Variants in DYNC1H1 observed in about 807,000 individuals in gnomAD.
The protein encoded by DYNC1H1 is cytoplasmic dynein 1 heavy chain 1.
DYNC1H1 carries 51 observed loss-of-function variants against 527.1 expected under a neutral mutation model. The ratio of observed to expected loss-of-function variants is 0.10; its 90% CI spans 0.08 to 0.12. DYNC1H1 has a LOEUF of 0.12. DYNC1H1 is among the 10% of genes least tolerant of loss of function. DYNC1H1 has a pLI of 1.00. For missense variants in DYNC1H1, 2,771 were observed against 5,971.8 expected, an observed-to-expected ratio of 0.46 and a Z score of 17.66; for synonymous variants, 2,189 against 2,278.8, an observed-to-expected ratio of 0.96 and a Z score of 1.12.
chr14:102,043,036 C>T (rs1054737433), intron 69 of DYNC1H1: 12 of 421,242 alleles, frequency 2.8e-5, no homozygotes, highest in Admixed American at 7.0e-5. Context: ...AATCCCTGCA[C>T]TTTGGGAGGC....
Position 102,034,222 on chromosome 14 carries a change from G to A in DYNC1H1, c.10626+34G>A, listed in dbSNP as rs748848124. 1.4e-5 allele frequency: 23 copies of A among 1,614,188 alleles called. No homozygotes were observed. The Admixed American group carries it at 1.5e-4, about 11-fold the overall frequency. ...CACGGGGAGTTCAAAAAGGATGTGC[G>A]AGCAGTGTGAGGCAAGCTGGTGTTT... On this transcript the variant is annotated intron_variant, in intron 55 of 77. Coordinates refer to ENST00000360184, the MANE Select transcript of DYNC1H1 (RefSeq NM_001376.5).
rs563414565 is a variant in DYNC1H1, at chr14:102,033,799, G to T, written c.10414-177G>T. ...CTGCCCCGCTGAGATTCTGAGTCGT[G>T]TGTGGTCATTAGTTATATATGATCT... On this transcript the variant is annotated intron_variant, in intron 54 of 77. Coordinates refer to ENST00000360184, the MANE Select transcript of DYNC1H1 (RefSeq NM_001376.5). The surrounding 1 kb of genome is among the most constrained non-coding windows in gnomAD (Gnocchi z 5.6). 5 of 738,028 alleles carry T rather than the reference G, an allele frequency of 6.8e-6. No homozygotes were observed. The African/African-American group carries it at 8.7e-5, about 13-fold the overall frequency. The allele number at this position is 738,028 out of a possible 1,614,324, so 45.7% of individuals were successfully genotyped here.
intron 11 of DYNC1H1, among the ~76,000 whole-genome samples, chr14:101,993,370 A>G (rs1268277403): frequency 2.0e-5 from 3 of 152,094 alleles, no homozygotes; most frequent in Admixed American, 1.3e-4. Flanking sequence ...TTTAGATTCT[A>G]AGTCAATCCT....
At chr14:102,021,801 C>A (rs1187827650) in intron 42 of DYNC1H1, among the ~76,000 whole-genome samples, 6 of 151,642 alleles carry the variant, frequency 4.0e-5, no homozygotes, top group Non-Finnish European at 1.5e-5. Context: ...GCTGGGATTA[C>A]AGACATGTGC....
In DYNC1H1 at chr14:101,982,973, T is replaced by C. The variant is rs978925423; in HGVS notation, c.962-46T>C. 1.9e-6 allele frequency: 3 copies of C among 1,608,630 alleles called. No homozygotes were observed. The African/African-American group carries it at 4.1e-5, about 22-fold the overall frequency. On this transcript the variant is annotated intron_variant, in intron 5 of 77. Transcript: ENST00000360184. ...ATGGCATATTTTAGTTTACTTAGTT[T>C]TGTTACTTTATGTGAAAACCATTAA... is the stretch of plus-strand genomic sequence containing the variant.
chr14:102,001,666 C>T lies in DYNC1H1; in HGVS notation c.4527C>T (p.Leu1509=), dbSNP rs2048132127. The T allele has an allele frequency of 1.9e-6, 3 of 1,614,048 alleles. No homozygotes were observed. Among genetic ancestry groups the T allele is most frequent in the South Asian group, 1.1e-5 (1 of 91,084 alleles). The change falls in exon 21 of 78, where the codon CTC becomes CTT. Residue 1509 remains leucine (L), a synonymous_variant. Transcript: ENST00000360184. This position sits in a 1 kb window ranked among gnomAD's most constrained non-coding sequence, Gnocchi z 5.0. ...EHINSVSAMK[L]SPYYKVFEED... is the part of the protein sequence containing the mutation. ...TCAACAGCGTCTCGGCCATGAAGCTCTCTCCGTATTACAAGGTGCTGTTGC... is the reference window on the plus strand; with the variant it reads ...TCAACAGCGTCTCGGCCATGAAGCTTTCTCCGTATTACAAGGTGCTGTTGC...
chr14:101,965,096 G>C lies in DYNC1H1; in HGVS notation c.256+149G>C. 1 of 870,826 alleles carries C rather than the reference G, an allele frequency of 1.1e-6. No individual in the cohort carries two copies. The highest frequency in any genetic ancestry group is 1.6e-6 in the Non-Finnish European group (1 of 616,952). The allele number at this position is 870,826 out of a possible 1,614,324, so 53.9% of individuals were successfully genotyped here. A position where few individuals can be genotyped will look rare whatever the true frequency, so the allele number is the denominator to read the frequency against. On this transcript the variant is annotated intron_variant, in intron 1 of 77. Coordinates refer to ENST00000360184, the MANE Select transcript of DYNC1H1 (RefSeq NM_001376.5). The surrounding 1 kb of genome is among the most constrained non-coding windows in gnomAD (Gnocchi z 4.1). ...GGATGGGCAGAGCCCGGCGGCCGCA[G>C]ACGTCCCGCCGGCCGGGTCCCCAGG...
chr14:102,025,763 C>A (rs1480807373), intron 43 of DYNC1H1, among the ~76,000 whole-genome samples: 1 of 152,026 alleles, frequency 6.6e-6, no homozygotes, highest in Non-Finnish European at 1.5e-5. Context: ...CATAGGTATC[C>A]GTTAGTTGTT....
rs1179457035 is a variant in DYNC1H1, at chr14:101,965,921, T to A, written c.256+974T>A. On this transcript the variant is annotated intron_variant, in intron 1 of 77. Transcript: ENST00000360184. The surrounding 1 kb of genome is among the most constrained non-coding windows in gnomAD (Gnocchi z 4.1). ...AATAATGATCGCCCACCAGCAAGGTTACATTCATCTAAGTCTGGGGCTTGC... is the reference window on the plus strand; with the variant it reads ...AATAATGATCGCCCACCAGCAAGGTAACATTCATCTAAGTCTGGGGCTTGC... Among the ~76,000 whole-genome samples, 1 of 152,094 alleles carries A rather than the reference T, an allele frequency of 6.6e-6. No homozygotes were observed. The highest frequency in any genetic ancestry group is 6.5e-5 in the Admixed American group (1 of 15,274).
chr14:102,016,853 G>A lies in DYNC1H1; in HGVS notation c.7702G>A (p.Val2568Ile), dbSNP rs765245789. The change falls in exon 38 of 78, where the codon GTC (valine) becomes ATC (isoleucine). Residue 2568 changes from valine to isoleucine, a missense_variant. Physicochemically the swap from Val to Ile is conservative, Grantham distance 29 (BLOSUM62 3). Around this residue, in one of 32 missense-constraint regions of DYNC1H1, gnomAD observed 71 missense variants for 143.6 expected, o/e 0.49. Transcript: ENST00000360184. This position sits in a 1 kb window ranked among gnomAD's most constrained non-coding sequence, Gnocchi z 7.3. ...GCACAAGGTGGCAGCCCCTGATGTCGTCGTGCCAACGCTGGACACAGTCCG... is the reference window on the plus strand; with the variant it reads ...GCACAAGGTGGCAGCCCCTGATGTCATCGTGCCAACGCTGGACACAGTCCG... Reference protein sequence around the residue: ...ETHKVAAPDVVVPTLDTVRHE... With the variant: ...ETHKVAAPDVIVPTLDTVRHE... 8 of 1,614,022 alleles carry A rather than the reference G, an allele frequency of 5.0e-6. No homozygotes were observed. Among genetic ancestry groups the A allele is most frequent in the Non-Finnish European group, 5.1e-6 (6 of 1,180,048 alleles).
intron 10 of DYNC1H1, among the ~76,000 whole-genome samples, chr14:101,990,442 G>A (rs150254680): frequency 1.3e-5 from 2 of 152,306 alleles, no homozygotes; most frequent in East Asian, 3.9e-4. Context: ...CCTGCTGTCT[G>A]ACTTATGTTC....
rs375286762 is a variant in DYNC1H1, at chr14:102,049,861, G to A, written c.13663G>A (p.Ala4555Thr). Residue 4555 changes from alanine (A) to threonine (T), a missense_variant, in exon 76 of 78, where the codon GCT (alanine) becomes ACT (threonine). Around this residue, in one of 32 missense-constraint regions of DYNC1H1, gnomAD observed 106 missense variants for 139.2 expected, o/e 0.76. Coordinates refer to ENST00000360184, the MANE Select transcript of DYNC1H1 (RefSeq NM_001376.5). The surrounding 1 kb of genome is among the most constrained non-coding windows in gnomAD (Gnocchi z 5.5). ...CACCTCACAGGGCGCCACCCTTGAC[G>A]CTTGCAGCTTCGGAGTCACGGGTGA... is the stretch of plus-strand genomic sequence containing the variant. The part of the protein sequence containing the change: ...VTTSQGATLD[A>T]CSFGVTGLKL... 1.2e-6 allele frequency: 2 copies of A among 1,613,736 alleles called. No individual in the cohort carries two copies. Among genetic ancestry groups the A allele is most frequent in the African/African-American group, 2.7e-5 (2 of 74,942 alleles).
chr14:102,008,082 G>A (rs1417506218), intron 28 of DYNC1H1, 96 bp from the exon 29 acceptor site: 1 of 1,569,328 alleles, frequency 6.4e-7, no homozygotes, highest in Non-Finnish European at 8.7e-7. Context: ...ACCCACTAGG[G>A]TTAGGGCATC....
At chr14:102,031,549 T>TA (rs1489698020) in intron 51 of DYNC1H1, among the ~76,000 whole-genome samples, 1 of 152,222 alleles carries the variant, frequency 6.6e-6, no homozygotes, top group Non-Finnish European at 1.5e-5. Context: ...TTAGAACTGT[T>TA]AACTCCACGT....
At chr14:101,977,439 T>C (rs1027795118) in intron 2 of DYNC1H1, among the ~76,000 whole-genome samples, 1 of 152,258 alleles carries the variant, frequency 6.6e-6, no homozygotes, top group African/African-American at 2.4e-5. Flanking sequence ...CAGTTAGTTA[T>C]AGACAATATG....
At position 102,027,686 on chromosome 14, in the gene DYNC1H1, A is replaced by G; in HGVS notation, c.9116A>G (p.Lys3039Arg). 1 of 1,614,150 alleles carries G rather than the reference A, an allele frequency of 6.2e-7. No individual in the cohort carries two copies. The highest frequency in any genetic ancestry group is 1.1e-5 in the South Asian group (1 of 91,076). Residue 3039 changes from lysine to arginine, a missense_variant, in exon 47 of 78, where the codon AAG (lysine) becomes AGG (arginine). By Grantham distance (26) the Lys-to-Arg change is conservative. Coordinates refer to ENST00000360184, the MANE Select transcript of DYNC1H1 (RefSeq NM_001376.5). The surrounding 1 kb of genome is among the most constrained non-coding windows in gnomAD (Gnocchi z 7.7). ...ACGCAGTGCAAAGAGGGGGCACAGA[A>G]GGAAGGCCTGATGCTGGACTCGCAC... ...LMTQCKEGAQKEGLMLDSHEE... is the reference protein window; with the variant it reads ...LMTQCKEGAQREGLMLDSHEE...
chr14:101,986,396 G>A lies in DYNC1H1; in HGVS notation c.2171G>A (p.Arg724Gln). The stretch of plus-strand genomic sequence containing the variant: ...CGCATTTTCACCATCGAAAGTACTC[G>A]GGTTCGGGGCCGAACTGGAAATGTG... ...SGRIFTIEST[R>Q]VRGRTGNVLK... The change falls in exon 8 of 78, where the codon CGG becomes CAG. Residue 724 changes from arginine (R) to glutamine (Q), a missense_variant. Coordinates refer to ENST00000360184, the MANE Select transcript of DYNC1H1 (RefSeq NM_001376.5). The surrounding 1 kb of genome is among the most constrained non-coding windows in gnomAD (Gnocchi z 8.7). The A allele has an allele frequency of 6.2e-7, 1 of 1,614,128 alleles. No individual in the cohort carries two copies. The highest frequency in any genetic ancestry group is 8.5e-7 in the Non-Finnish European group (1 of 1,180,032).
rs780676515 is a variant in DYNC1H1 at position 102,040,351 on chromosome 14, G to T, written c.11806G>T (p.Val3936Leu). 34 of 1,614,106 alleles carry T rather than the reference G, an allele frequency of 2.1e-5. No homozygotes were observed. Among genetic ancestry groups the T allele is most frequent in the Non-Finnish European group, 2.6e-5 (31 of 1,180,064 alleles). Residue 3936 changes from valine to leucine, a missense_variant, in exon 63 of 78, where the codon GTG (valine) becomes TTG (leucine). This residue lies in a region of DYNC1H1 where 120 missense variants were observed against 161.9 expected (regional missense o/e 0.74). Coordinates refer to ENST00000360184, the MANE Select transcript of DYNC1H1 (RefSeq NM_001376.5). ...GACTGTGGAGCAGGCGGAGGCGGTG[G>T]TGAGGCTGAGCTGCCTTCCCGCGTT... ...GLTVEQAEAV[V>L]RLSCLPAFKD...
At chr14:101,975,142 A>G (rs1355524102) in intron 1 of DYNC1H1, among the ~76,000 whole-genome samples, 1 of 152,168 alleles carries the variant, frequency 6.6e-6, no homozygotes, top group African/African-American at 2.4e-5. Flanking sequence ...GAATTCTCAC[A>G]TTGTTGCTTC....
Sources: allele counts gnomAD v4.1 joint callset (sites outside exome capture counted in the v4.1 genomes callset), GRCh38; gene constraint gnomAD v4.1.1; regional missense constraint gnomAD v4.1.1; non-coding constraint Gnocchi (gnomAD v3.1); transcripts MANE v1.5; gene names NCBI Gene and HGNC (gene_info 2026-07-23, HGNC 2026-07-21).